Variants in LHX4 observed in about 807,000 individuals in gnomAD.
The protein encoded by LHX4 is LIM homeobox 4, also known as LIM/homeobox protein Lhx4.
Under a neutral mutation model 39.2 loss-of-function variants are expected in LHX4, and 16 were observed. The observed-to-expected ratio is 0.41, with a 90% CI of 0.28 to 0.62. The LOEUF (loss-of-function observed/expected upper bound fraction) is 0.62, where lower values mean the gene tolerates loss of function less well. Ranked by LOEUF, LHX4 falls within the 20% of genes least tolerant of loss-of-function variation. The pLI is 0.33. For missense variants in LHX4, 439 were observed against 511.9 expected, an observed-to-expected ratio of 0.86 and a Z score of 1.37; for synonymous variants, 206 against 198.1, an observed-to-expected ratio of 1.04 and a Z score of -0.33.
upstream of LHX4, chr1:180,230,179 G>A: frequency 2.6e-6 from 1 of 388,638 alleles, no homozygotes; most frequent in Non-Finnish European, 4.8e-6. The surrounding 1 kb of genome is among the most constrained non-coding windows in gnomAD (Gnocchi z 5.8). Context: ...ACGCCCGGGT[G>A]ACCGCGGCCT....
At chr1:180,255,724 G>C (rs1260670501) in intron 2 of LHX4, among the ~76,000 whole-genome samples, 1 of 152,232 alleles carries the variant, frequency 6.6e-6, no homozygotes, top group Non-Finnish European at 1.5e-5. Context: ...GTCGGAGGAG[G>C]ATTGTCTGCC....
At position 180,230,793 on chromosome 1, in the gene LHX4, C is replaced by A. The variant is rs532343503; in HGVS notation, c.76+188C>A. 1.3e-5 allele frequency among the ~76,000 whole-genome samples: 2 copies of A among 152,210 alleles called. No homozygotes were observed. The highest frequency in any genetic ancestry group is 3.9e-4 in the East Asian group (2 of 5,162). ...GGCCAGGCTCTTGGCTGTTTGGGGC[C>A]GAATGTGAACGCCTCCTGGATCATG... On this transcript the variant is annotated intron_variant, in intron 1 of 5. Transcript: ENST00000263726. This position sits in a 1 kb window ranked among gnomAD's most constrained non-coding sequence, Gnocchi z 5.8.
At chr1:180,263,214 C>T (rs963097649) in intron 2 of LHX4, among the ~76,000 whole-genome samples, 90 of 152,180 alleles carry the variant, frequency 5.9e-4, no homozygotes, top group African/African-American at 2.1e-3. Context: ...GTGTAGCAGC[C>T]GGGTTCACAG....
intron 2 of LHX4, among the ~76,000 whole-genome samples, chr1:180,254,942 G>A (rs766989572): frequency 2.0e-5 from 3 of 152,204 alleles, no homozygotes; most frequent in Non-Finnish European, 2.9e-5. Context: ...TGGCAAGGAC[G>A]GGGTCCTGGG....
intron 1 of LHX4, among the ~76,000 whole-genome samples, chr1:180,242,156 T>A (rs1208061364): frequency 6.6e-6 from 1 of 152,204 alleles, no homozygotes; most frequent in African/African-American, 2.4e-5. Context: ...AGCTCCCTCA[T>A]TCGGCTAAGC....
intron 2 of LHX4, among the ~76,000 whole-genome samples, chr1:180,255,143 C>T (rs754877612): frequency 3.3e-5 from 5 of 152,370 alleles, no homozygotes; most frequent in Non-Finnish European, 5.9e-5. Context: ...TGGTGGGAGG[C>T]GGCAGCCCGC....
At chr1:180,229,956 AGGCGGGGAG>A (rs1558204857), upstream of LHX4, among the ~76,000 whole-genome samples, 4 of 16,610 alleles carry the variant, frequency 2.4e-4, no homozygotes, top group African/African-American at 1.8e-3. Flanking sequence ...GCGGAGGCGG[AGGCGGGGAG>A]GGGGGGGGGG....
intron 2 of LHX4, among the ~76,000 whole-genome samples, chr1:180,251,349 A>C (rs541876464): frequency 6.6e-6 from 1 of 151,990 alleles, no homozygotes; most frequent in African/African-American, 2.4e-5. Flanking sequence ...GACGGTGCCC[A>C]CCCTCCAGGG....
chr1:180,262,772 G>A (rs531462867), intron 2 of LHX4, among the ~76,000 whole-genome samples: 4 of 151,760 alleles, frequency 2.6e-5, no homozygotes, highest in East Asian at 1.9e-4. Flanking sequence ...GAAGCAGTTC[G>A]TTCGTTCACT....
In LHX4 at chr1:180,274,673, C is replaced by A; in HGVS notation, c.*94C>A. ...TGCCTTTTAAGGATCGAAAGTACGCCAATGTGAATTTCCATTATTTTCAAT... is the reference window on the plus strand; with the variant it reads ...TGCCTTTTAAGGATCGAAAGTACGCAAATGTGAATTTCCATTATTTTCAAT... On this transcript the variant is annotated 3_prime_UTR_variant, in exon 6 of 6. Transcript: ENST00000263726. 1 of 1,371,930 alleles carries A rather than the reference C, an allele frequency of 7.3e-7. No homozygotes were observed. Among genetic ancestry groups the A allele is most frequent in the African/African-American group, 1.4e-5 (1 of 69,140 alleles). The allele number at this position is 1,371,930 out of a possible 1,614,324, so 85.0% of individuals were successfully genotyped here. A position where few individuals can be genotyped will look rare whatever the true frequency, so the allele number is the denominator to read the frequency against.
intron 4 of LHX4, 115 bp downstream of exon 4, chr1:180,271,649 CT>C: frequency 7.0e-7 from 1 of 1,426,774 alleles, no homozygotes; most frequent in Non-Finnish European, 9.8e-7. Flanking sequence ...GACCCCAGGG[CT>C]TTTGCCAGAA....
rs1314872253 is a variant in LHX4 at position 180,260,447 on chromosome 1, C to A, written c.249-5945C>A. The stretch of plus-strand genomic sequence containing the variant: ...AAGCCTGTCTTGCACTGGTGAGCAG[C>A]CCAGCCAGGTGGTCGGGAGCAGCAG... On this transcript the variant is annotated intron_variant, in intron 2 of 5. Coordinates refer to ENST00000263726, the MANE Select transcript of LHX4 (RefSeq NM_033343.4). Among the ~76,000 whole-genome samples, 5 of 151,828 alleles carry A rather than the reference C, an allele frequency of 3.3e-5. No individual in the cohort carries two copies. In the East Asian group the frequency reaches 9.7e-4, roughly 29 times the overall value.
chr1:180,250,748 G>T (rs867257560), intron 2 of LHX4, among the ~76,000 whole-genome samples: 22 of 152,194 alleles, frequency 1.4e-4, no homozygotes, highest in African/African-American at 5.3e-4. Context: ...CTGAGTGGCT[G>T]GCTATGGTTT....
intron 1 of LHX4, among the ~76,000 whole-genome samples, chr1:180,243,508 C>G (rs777400574): frequency 6.6e-6 from 1 of 152,108 alleles, no homozygotes; most frequent in Non-Finnish European, 1.5e-5. Flanking sequence ...TATGTTGTTG[C>G]TCTTTGAAAA....
intron 1 of LHX4, among the ~76,000 whole-genome samples, chr1:180,246,311 A>G (rs1399276471): frequency 6.6e-6 from 1 of 152,236 alleles, no homozygotes; most frequent in Admixed American, 6.5e-5. Context: ...CCTTCTCTCT[A>G]CATAGGTTTA....
Position 180,271,367 on chromosome 1 carries a change from T to A in LHX4, c.452-13T>A. ...ATAGGCCGAAGCCAGTAAGCAGTGG[T>A]TTTTCCTTGCAGATGACTCAGAGGC... On this transcript the variant is annotated splice_polypyrimidine_tract_variant and intron_variant, in intron 3 of 5. Coordinates refer to ENST00000263726, the MANE Select transcript of LHX4 (RefSeq NM_033343.4). The A allele has an allele frequency of 6.2e-7, 1 of 1,613,492 alleles. No homozygotes were observed. The highest frequency in any genetic ancestry group is 2.2e-5 in the East Asian group (1 of 44,828).
chr1:180,249,187 G>A (rs1220035074), intron 2 of LHX4, among the ~76,000 whole-genome samples: 3 of 152,194 alleles, frequency 2.0e-5, no homozygotes, highest in Non-Finnish European at 4.4e-5. Context: ...CTTTAAATAA[G>A]TCTATTTATG....
intron 1 of LHX4, among the ~76,000 whole-genome samples, chr1:180,233,728 C>T (rs909634492): frequency 2.0e-5 from 3 of 152,184 alleles, no homozygotes; most frequent in South Asian, 2.1e-4. Flanking sequence ...GGATCGCTGG[C>T]GGGAGAGAGG....
Position 180,274,455 on chromosome 1 carries a change from A to G in LHX4, c.1049A>G (p.Gln350Arg). 1 of 1,614,212 alleles carries G rather than the reference A, an allele frequency of 6.2e-7. No individual in the cohort carries two copies. Among genetic ancestry groups the G allele is most frequent in the Non-Finnish European group, 8.5e-7 (1 of 1,180,042 alleles). The change falls in exon 6 of 6, where the codon CAG becomes CGG. Residue 350 changes from glutamine (Q) to arginine (R), a missense_variant. Gln to Arg is a conservative substitution (Grantham distance 43). Coordinates refer to ENST00000263726, the MANE Select transcript of LHX4 (RefSeq NM_033343.4). ...IIAHAGQGVS[Q>R]TLRAMAGGPT... ...GCGCATGCAGGGCAGGGAGTAAGCC[A>G]GACGCTGAGAGCCATGGCTGGGGGA... is the stretch of plus-strand genomic sequence containing the variant.
Sources: allele counts gnomAD v4.1 joint callset (sites outside exome capture counted in the v4.1 genomes callset), GRCh38; gene constraint gnomAD v4.1.1; non-coding constraint Gnocchi (gnomAD v3.1); transcripts MANE v1.5; gene names NCBI Gene and HGNC (gene_info 2026-07-23, HGNC 2026-07-21).